Variants in FER1L6 observed in about 807,000 individuals in gnomAD.
FER1L6 encodes the protein fer-1 like family member 6, also known as fer-1-like protein 6.
In FER1L6, 177 loss-of-function variants were observed where a neutral mutation model predicts 219.2. The observed-to-expected ratio is 0.81, with a 90% confidence interval of 0.71 to 0.91. The LOEUF (loss-of-function observed/expected upper bound fraction) is 0.91. Ranked by LOEUF, FER1L6 falls within the 40% of genes least tolerant of loss-of-function variation. The pLI is 0.00. For missense variants in FER1L6, 2,153 were observed against 2,259.9 expected (o/e 0.95, Z 0.96); for synonymous variants, 768 against 824.3 (o/e 0.93, Z 1.17).
chr8:123,952,713 T>C (rs1215541887), intron 1 of FER1L6, among the ~76,000 whole-genome samples: 3 of 152,170 alleles, frequency 2.0e-5, no homozygotes, highest in Non-Finnish European at 4.4e-5. Context: ...GAAATCCCCT[T>C]ATTTGTCAGC....
chr8:123,877,215 A>G (rs1817019503), intron 1 of FER1L6, among the ~76,000 whole-genome samples: 1 of 152,210 alleles, frequency 6.6e-6, no homozygotes, highest in Non-Finnish European at 1.5e-5. Flanking sequence ...TCATCCTTTC[A>G]TTTATTTTTC....
chr8:123,939,064 C>T (rs970448490), intron 1 of FER1L6: 27 of 626,006 alleles, frequency 4.3e-5, no homozygotes, highest in East Asian at 2.8e-4. Context: ...AAGAAAATAT[C>T]AAACCCTTAG....
At chr8:124,094,390 T>C (rs964362668) in intron 34 of FER1L6, among the ~76,000 whole-genome samples, 1 of 152,056 alleles carries the variant, frequency 6.6e-6, no homozygotes, top group Non-Finnish European at 1.5e-5. Context: ...CTCTCTAAAC[T>C]TTCCATCTCT....
At chr8:123,930,114 C>T (rs942510358) in intron 1 of FER1L6, among the ~76,000 whole-genome samples, 1 of 152,164 alleles carries the variant, frequency 6.6e-6, no homozygotes, top group African/African-American at 2.4e-5. Context: ...AAAAATATCA[C>T]AGCTAGGATA....
intron 1 of FER1L6, among the ~76,000 whole-genome samples, chr8:123,946,874 T>C (rs374406994): frequency 2.0e-5 from 3 of 152,308 alleles, no homozygotes; most frequent in African/African-American, 7.2e-5. Context: ...GACTTTATTA[T>C]TTCATCTCTT....
chr8:124,118,263 T>C (rs1170169079), intron 39 of FER1L6, among the ~76,000 whole-genome samples: 1 of 152,184 alleles, frequency 6.6e-6, no homozygotes, highest in Non-Finnish European at 1.5e-5. Flanking sequence ...GGCATAGTGC[T>C]CTAAAGAAAC....
intron 1 of FER1L6, among the ~76,000 whole-genome samples, chr8:123,858,782 A>G (rs927804420): frequency 6.6e-6 from 1 of 152,206 alleles, no homozygotes; most frequent in Non-Finnish European, 1.5e-5. Flanking sequence ...CTTTCAATCA[A>G]TGATCAACCT....
rs77532577 is a variant in FER1L6, at chr8:124,081,113, G to C, written c.4221-1175G>C. Among the ~76,000 whole-genome samples, 778 of 152,224 alleles carry C rather than the reference G, an allele frequency of 5.1e-3. 7 individuals are homozygous for C. Among genetic ancestry groups the C allele is most frequent in the African/African-American group, 0.017 (689 of 41,546 alleles). ...AGGGCAGCAGCCCAGACAGCCCTGT[G>C]GACATGCAGGGAAATAATGGGCTCG... On this transcript the variant is annotated intron_variant, in intron 32 of 40. Coordinates refer to ENST00000522917, the MANE Select transcript of FER1L6 (RefSeq NM_001039112.2).
In FER1L6 at chr8:124,062,003, C is replaced by T; in HGVS notation, c.3299C>T (p.Thr1100Ile). The change falls in exon 25 of 41, where the codon ACA (threonine) becomes ATA (isoleucine). Residue 1100 changes from threonine to isoleucine, a missense_variant. By Grantham distance (89) the Thr-to-Ile change is moderately conservative (BLOSUM62 -1). Transcript: ENST00000522917. ...CTCAGAGAGCCCCTTGCCCCCATCA[C>T]ACAGGTGGATGGAACCCAGCCTGGG... ...CKLREPLAPITQVDGTQPGHD... is the reference protein window; with the variant it reads ...CKLREPLAPIIQVDGTQPGHD... 1 of 1,614,136 alleles carries T rather than the reference C, an allele frequency of 6.2e-7. No individual in the cohort carries two copies. The highest frequency in any genetic ancestry group is 1.1e-5 in the South Asian group (1 of 91,070).
rs750519732 is a variant in FER1L6, at chr8:124,097,769, C to T, written c.4785-16C>T. On this transcript the variant is annotated splice_polypyrimidine_tract_variant and intron_variant, in intron 36 of 40. Coordinates refer to ENST00000522917, the MANE Select transcript of FER1L6 (RefSeq NM_001039112.2). ...TTTCAAGGTCATCGACCTAATGCTT[C>T]CTTCTCCCATCCCAGATACGAATTG... is the stretch of plus-strand genomic sequence containing the variant. The T allele has an allele frequency of 4.3e-6, 6 of 1,398,170 alleles. No individual in the cohort carries two copies. The South Asian group carries it at 6.9e-5, about 16-fold the overall frequency. The allele number at this position is 1,398,170 out of a possible 1,614,324, so 86.6% of individuals were successfully genotyped here.
chr8:123,897,295 T>C (rs1382800737), intron 1 of FER1L6, among the ~76,000 whole-genome samples: 4 of 152,074 alleles, frequency 2.6e-5, no homozygotes, highest in African/African-American at 4.8e-5. Flanking sequence ...TGTTCTACAT[T>C]CCCCCAACAT....
chr8:124,004,348 T>C (rs970293713), intron 13 of FER1L6: 3 of 152,224 alleles, frequency 2.0e-5, no homozygotes, highest in African/African-American at 4.8e-5. Flanking sequence ...GAAATATGTA[T>C]GATCTCACTG....
intron 1 of FER1L6, among the ~76,000 whole-genome samples, chr8:123,872,796 A>G (rs914433438): frequency 8.5e-5 from 13 of 152,330 alleles, no homozygotes; most frequent in African/African-American, 3.1e-4. Context: ...ACTCCTTGAC[A>G]TGTGTACGAG....
At chr8:123,982,772 ACTTTGAAGATGG>A (rs1435252274) in intron 11 of FER1L6, among the ~76,000 whole-genome samples, 1 of 152,214 alleles carries the variant, frequency 6.6e-6, no homozygotes, top group African/African-American at 2.4e-5. Context: ...TGGAGAACCC[ACTTTGAAGATGG>A]CTCCTCACAT....
intron 1 of FER1L6, among the ~76,000 whole-genome samples, chr8:123,910,648 T>C (rs1180149809): frequency 1.3e-5 from 2 of 149,958 alleles, no homozygotes; most frequent in Non-Finnish European, 3.0e-5. Context: ...ACCTTCCTGA[T>C]ATGTTTGAAG....
At chr8:124,017,164 A>G (rs991243677) in intron 15 of FER1L6, among the ~76,000 whole-genome samples, 2 of 152,078 alleles carry the variant, frequency 1.3e-5, no homozygotes, top group African/African-American at 4.8e-5. Context: ...CTATTTTCCT[A>G]TTTAACACAT....
chr8:123,955,463 A>T (rs1814972595), intron 1 of FER1L6, among the ~76,000 whole-genome samples: 1 of 152,028 alleles, frequency 6.6e-6, no homozygotes, highest in Non-Finnish European at 1.5e-5. Context: ...GATGGTGTTT[A>T]CTCTGCTGAA....
chr8:124,049,028 G>A (rs1042219562), intron 21 of FER1L6, among the ~76,000 whole-genome samples: 3 of 151,074 alleles, frequency 2.0e-5, no homozygotes, highest in African/African-American at 4.9e-5. Context: ...CCCCTAGGAT[G>A]AGCACCCCCA....
chr8:123,949,603 G>A (rs1814667480), intron 1 of FER1L6, among the ~76,000 whole-genome samples: 1 of 152,180 alleles, frequency 6.6e-6, no homozygotes, highest in Admixed American at 6.5e-5. Context: ...TTGGACTAGA[G>A]TCCAGATTGA....
Sources: gnomAD v4.1 joint callset for allele counts (sites outside exome capture counted in the v4.1 genomes callset) on GRCh38, gnomAD v4.1.1 for gene constraint, MANE v1.5 for transcripts, NCBI Gene and HGNC (gene_info 2026-07-23, HGNC 2026-07-21) for gene names.